Variants in KLHL3 observed in about 807,000 individuals in gnomAD.
KLHL3 encodes kelch like family member 3.
A neutral mutation model predicts 70.5 loss-of-function variants in KLHL3; 19 were observed. That is an observed-to-expected ratio of 0.27 (90% confidence interval 0.19 to 0.40). The LOEUF (loss-of-function observed/expected upper bound fraction) is 0.40. KLHL3 is among the 10% of genes least tolerant of loss of function. KLHL3 has a pLI of 1.00. For synonymous variants in KLHL3, 258 were observed against 290.3 expected (o/e 0.89, Z 1.13); for missense variants, 512 against 771.1 (o/e 0.66, Z 3.98).
intron 1 of KLHL3, among the ~76,000 whole-genome samples, chr5:137,730,780 C>T (rs61511837): frequency 0.18 from 27,620 of 151,928 alleles, 2,705 homozygotes; most frequent in African/African-American, 0.23. Flanking sequence ...AGAGCTGAGC[C>T]CTTGTATGTG....
At chr5:137,652,137 T>A (rs1751216353) in intron 8 of KLHL3, among the ~76,000 whole-genome samples, 1 of 151,992 alleles carries the variant, frequency 6.6e-6, no homozygotes, top group Non-Finnish European at 1.5e-5. Context: ...ATCTGTGACT[T>A]CAAATTAGGC....
At chr5:137,712,156 CAAAAAAA>C (rs201519598) in intron 2 of KLHL3, among the ~76,000 whole-genome samples, 2,064 of 74,814 alleles carry the variant, frequency 0.028, 58 homozygotes, top group African/African-American at 0.11. Flanking sequence ...AAGATTCTGT[CAAAAAAA>C]AAAAAAAAAA....
chr5:137,709,716 A>G, intron 3 of KLHL3, 34 bp downstream of exon 3: 1 of 1,539,250 alleles, frequency 6.5e-7, no homozygotes, highest in Non-Finnish European at 9.0e-7. Context: ...CTGCAGCCCC[A>G]TAACCATGGG....
chr5:137,630,929 T>C (rs1016086853), intron 12 of KLHL3, among the ~76,000 whole-genome samples: 3 of 152,140 alleles, frequency 2.0e-5, no homozygotes, highest in African/African-American at 7.2e-5. Context: ...AATGGAATCA[T>C]GCAGATTTTA....
rs1752275641 is a variant in KLHL3 at position 137,689,923 on chromosome 5, C to T, written c.526+2362G>A. Among the ~76,000 whole-genome samples the T allele has an allele frequency of 7.2e-5, 11 of 152,208 alleles. No individual in the cohort carries two copies. In the South Asian group the frequency reaches 2.3e-3, roughly 32 times the overall value. On this transcript the variant is annotated intron_variant, in intron 5 of 14. Coordinates refer to ENST00000309755, the MANE Select transcript of KLHL3 (RefSeq NM_017415.3). ...GTGCTAGGTGTACACACACATGCAT[C>T]ACACACTATGTGGAAGGAGAGGGCT...
chr5:137,720,784 A>G, intron 1 of KLHL3, 200 bp from the exon 2 acceptor site: 1 of 1,407,984 alleles, frequency 7.1e-7, no homozygotes, highest in Non-Finnish European at 9.2e-7. Flanking sequence ...GAAGGAAGGC[A>G]GGTCATAGCT....
chr5:137,624,419 C>A (rs1158440868), intron 14 of KLHL3, among the ~76,000 whole-genome samples: 1 of 152,196 alleles, frequency 6.6e-6, no homozygotes, highest in African/African-American at 2.4e-5. Context: ...CATCCCAGAA[C>A]AGAATTACTC....
intron 12 of KLHL3, among the ~76,000 whole-genome samples, chr5:137,630,567 C>T (rs1355911694): frequency 6.6e-6 from 1 of 152,196 alleles, no homozygotes; most frequent in Non-Finnish European, 1.5e-5. Context: ...TACGTCACAA[C>T]AGAGGATTTC....
At chr5:137,653,675 T>C (rs1751266164) in intron 8 of KLHL3, among the ~76,000 whole-genome samples, 1 of 152,212 alleles carries the variant, frequency 6.6e-6, no homozygotes, top group Admixed American at 6.5e-5. Context: ...AGTATAGCCA[T>C]TTTAAAAAAC....
chr5:137,669,940 T>C (rs1263630339), intron 6 of KLHL3, among the ~76,000 whole-genome samples: 5 of 152,060 alleles, frequency 3.3e-5, no homozygotes, highest in Non-Finnish European at 7.4e-5. Context: ...TGGTGTCCCA[T>C]TGGGTAGGGT....
At chr5:137,693,263 G>A (rs1752366496) in intron 4 of KLHL3, among the ~76,000 whole-genome samples, 1 of 152,134 alleles carries the variant, frequency 6.6e-6, no homozygotes, top group African/African-American at 2.4e-5. Context: ...ACAAAGCAAA[G>A]AACATCTTTA....
intron 6 of KLHL3, among the ~76,000 whole-genome samples, chr5:137,668,276 G>A (rs1312842857): frequency 6.6e-6 from 1 of 152,088 alleles, no homozygotes; most frequent in Admixed American, 6.6e-5. Context: ...TGGGCGTGGT[G>A]GCGCACACCT....
Position 137,709,845 on chromosome 5 carries a change from A to G in KLHL3, c.146T>C (p.Leu49Ser). The change falls in exon 3 of 15, where the codon TTG (leucine) becomes TCG (serine). Residue 49 changes from leucine to serine, a missense_variant. Transcript: ENST00000309755. ...TTCTGCCACAATCATCACGTCACAC[A>G]ACAGCTGTTTACTGTAAGACACCAG... Reference protein sequence around the residue: ...VMNELRSKQLLCDVMIVAEDV... With the variant: ...VMNELRSKQLSCDVMIVAEDV... The G allele has an allele frequency of 6.2e-7, 1 of 1,614,056 alleles. No homozygotes were observed. The highest frequency in any genetic ancestry group is 8.5e-7 in the Non-Finnish European group (1 of 1,179,958).
At chr5:137,722,229 C>T (rs748407276) in intron 1 of KLHL3, among the ~76,000 whole-genome samples, 13 of 152,314 alleles carry the variant, frequency 8.5e-5, no homozygotes, top group South Asian at 2.1e-4. Flanking sequence ...CACTGGAATT[C>T]GTAACTATTG....
At chr5:137,698,139 G>T in intron 4 of KLHL3, 148 bp downstream of exon 4, 3 of 1,010,490 alleles carry the variant, frequency 3.0e-6, no homozygotes, top group Non-Finnish European at 4.3e-6. Context: ...TGGCCATGTG[G>T]CCCAGGGCAG....
intron 2 of KLHL3, among the ~76,000 whole-genome samples, chr5:137,717,031 C>G (rs946239378): frequency 3.9e-5 from 6 of 152,208 alleles, no homozygotes; most frequent in Non-Finnish European, 5.9e-5. Flanking sequence ...CGTTCTCACC[C>G]TTTTAGACAA....
At chr5:137,652,523 G>A (rs1261688097) in intron 8 of KLHL3, among the ~76,000 whole-genome samples, 1 of 152,226 alleles carries the variant, frequency 6.6e-6, no homozygotes, top group Non-Finnish European at 1.5e-5. Context: ...CAATATGGAT[G>A]AACCTGGAGG....
At chr5:137,696,739 T>A (rs577210611) in intron 4 of KLHL3, among the ~76,000 whole-genome samples, 4 of 152,312 alleles carry the variant, frequency 2.6e-5, no homozygotes, top group East Asian at 1.9e-4. Context: ...GCAGTTTATT[T>A]AACCCCTTTG....
chr5:137,681,972 A>C (rs1057360794), intron 5 of KLHL3, among the ~76,000 whole-genome samples: 2 of 152,122 alleles, frequency 1.3e-5, no homozygotes, highest in African/African-American at 2.4e-5. Context: ...CAACACAAAC[A>C]TATCTTCCCA....
Sources: allele counts gnomAD v4.1 joint callset (sites outside exome capture counted in the v4.1 genomes callset), GRCh38; gene constraint gnomAD v4.1.1; transcripts MANE v1.5; gene names NCBI Gene and HGNC (gene_info 2026-07-23, HGNC 2026-07-21).